Variants in MYO3B observed in about 807,000 individuals in gnomAD.
MYO3B encodes myosin IIIB.
MYO3B carries 156 observed loss-of-function variants against 174.6 expected under a neutral mutation model. The ratio of observed to expected loss-of-function variants is 0.89; its 90% CI spans 0.78 to 1.02. The LOEUF (loss-of-function observed/expected upper bound fraction) is 1.02, where lower values mean the gene tolerates loss of function less well. Ranked by LOEUF, MYO3B falls within the 50% of genes least tolerant of loss-of-function variation. The pLI is 0.00. For synonymous variants in MYO3B, 563 were observed against 569.1 expected (o/e 0.99, Z 0.15); for missense variants, 1,632 against 1,639.4 (o/e 1.00, Z 0.08).
intron 25 of MYO3B, among the ~76,000 whole-genome samples, chr2:170,479,591 TAAA>T (rs1685550265): frequency 2.0e-5 from 3 of 146,508 alleles, no homozygotes; most frequent in African/African-American, 7.4e-5. Flanking sequence ...ATCTATATAA[TAAA>T]GGTGTATTTT....
intron 9 of MYO3B, among the ~76,000 whole-genome samples, chr2:170,372,128 A>AAAAAACAAAAC (rs2094251748): frequency 7.0e-6 from 1 of 142,160 alleles, no homozygotes; most frequent in Non-Finnish European, 1.5e-5. Flanking sequence ...CAAAAAAAAA[A>AAAAAACAAAAC]AAAAAAAAAA....
chr2:170,602,260 G>A (rs1231956427), intron 32 of MYO3B: 21 of 805,476 alleles, frequency 2.6e-5, no homozygotes, highest in Admixed American at 1.2e-4. Flanking sequence ...GAGGCACACA[G>A]TCACCCAGTG....
chr2:170,490,205 C>T (rs745593980), intron 25 of MYO3B, among the ~76,000 whole-genome samples: 5 of 151,794 alleles, frequency 3.3e-5, no homozygotes, highest in Admixed American at 1.3e-4. Context: ...ATTTTTTGTA[C>T]TTTTAGTAGA....
At chr2:170,493,604 C>T (rs1017314616) in intron 25 of MYO3B, among the ~76,000 whole-genome samples, 23 of 152,168 alleles carry the variant, frequency 1.5e-4, no homozygotes, top group African/African-American at 5.5e-4. Flanking sequence ...CTTCATTCCT[C>T]TCCTATTGAA....
At chr2:170,297,690 G>A (rs987548038) in intron 7 of MYO3B, among the ~76,000 whole-genome samples, 1 of 152,242 alleles carries the variant, frequency 6.6e-6, no homozygotes, top group East Asian at 1.9e-4. Context: ...CTTGGTTTGT[G>A]TATAGAAATA....
intron 30 of MYO3B, among the ~76,000 whole-genome samples, chr2:170,541,131 T>C (rs1354543064): frequency 6.6e-6 from 1 of 152,222 alleles, no homozygotes; most frequent in Non-Finnish European, 1.5e-5. Context: ...GCCATTGGCT[T>C]TGGATTCTGA....
At position 170,498,677 on chromosome 2, in the gene MYO3B, G is replaced by A. The variant is rs760443182; in HGVS notation, c.3100G>A (p.Asp1034Asn). ...CVAILEKSRL[D>N]HWVLGKTKVF... is the part of the protein sequence containing the mutation. Reference sequence around the variant, plus strand: ...GGCTATCTTGGAAAAGTCCAGATTAGATCACTGGGTACTGGGAAAAACAAA... The same window carrying A: ...GGCTATCTTGGAAAAGTCCAGATTAAATCACTGGGTACTGGGAAAAACAAA... The change falls in exon 26 of 35, where the codon GAT becomes AAT. Residue 1034 changes from aspartate (D) to asparagine (N), a missense_variant. By Grantham distance (23) the Asp-to-Asn change is conservative (BLOSUM62 1). Transcript: ENST00000408978. 8.1e-6 allele frequency: 13 copies of A among 1,613,140 alleles called. No homozygotes were observed. The Admixed American group carries it at 2.0e-4, about 25-fold the overall frequency.
At chr2:170,565,743 G>A (rs1240505568) in intron 32 of MYO3B, among the ~76,000 whole-genome samples, 1 of 152,184 alleles carries the variant, frequency 6.6e-6, no homozygotes, top group African/African-American at 2.4e-5. Flanking sequence ...TAGAGAAAGA[G>A]ATTAGTAGTG....
intron 7 of MYO3B, among the ~76,000 whole-genome samples, chr2:170,314,688 T>A (rs981553967): frequency 6.6e-6 from 1 of 152,208 alleles, no homozygotes; most frequent in Non-Finnish European, 1.5e-5. Flanking sequence ...TTAAACTAAA[T>A]GTTTTGTGAT....
chr2:170,256,081 A>G (rs6753241), intron 7 of MYO3B, among the ~76,000 whole-genome samples: 88,728 of 152,056 alleles, frequency 0.58, 26,446 homozygotes, highest in East Asian at 0.71. Context: ...CAGTTAGACA[A>G]AAATAAAGAA....
intron 8 of MYO3B, among the ~76,000 whole-genome samples, chr2:170,364,192 C>T (rs1050301051): frequency 6.6e-6 from 1 of 152,134 alleles, no homozygotes; most frequent in African/African-American, 2.4e-5. Context: ...TACAACAGAA[C>T]TTCCAAGGAT....
In MYO3B at chr2:170,501,689, G is replaced by T. The variant is rs1687278611; in HGVS notation, c.3290-96G>T. ...AGTGAGAAAGCAGGAGGGAGGATGA[G>T]ACGGGCAATAGGCTGGAGGGGAAAA... On this transcript the variant is annotated intron_variant, in intron 27 of 34. Transcript: ENST00000408978. 5 of 756,800 alleles carry T rather than the reference G, an allele frequency of 6.6e-6. No homozygotes were observed. In the African/African-American group the frequency reaches 8.7e-5, roughly 13 times the overall value. The allele number at this position is 756,800 out of a possible 1,614,324, so 46.9% of individuals were successfully genotyped here. A position where few individuals can be genotyped will look rare whatever the true frequency, so the allele number is the denominator to read the frequency against.
chr2:170,221,491 T>TG lies in MYO3B; in HGVS notation c.603+4100dup, dbSNP rs199537287. Among the ~76,000 whole-genome samples, 1,161 of 152,290 alleles carry TG rather than the reference T, an allele frequency of 7.6e-3. 18 individuals are homozygous for TG. Among genetic ancestry groups the TG allele is most frequent in the African/African-American group, 0.026 (1,092 of 41,568 alleles). On this transcript the variant is annotated intron_variant, in intron 6 of 34. Transcript: ENST00000408978. ...TGAGCAGTCAAGACACACAGTTCAC[T>TG]GGGGCACCTCAAAGCTGCAGCATGA...
intron 22 of MYO3B, among the ~76,000 whole-genome samples, chr2:170,429,671 A>G (rs1002968580): frequency 6.6e-6 from 1 of 152,238 alleles, no homozygotes; most frequent in South Asian, 2.1e-4. Flanking sequence ...TCAGGTTTAC[A>G]TTCTGTATCT....
intron 2 of MYO3B, among the ~76,000 whole-genome samples, chr2:170,199,772 GCA>G (rs2105336549): frequency 6.6e-6 from 1 of 152,278 alleles, no homozygotes; most frequent in African/African-American, 2.4e-5. Flanking sequence ...ATGCTGTTTT[GCA>G]CAGTGAGGTT....
chr2:170,601,050 C>T (rs185439137), intron 32 of MYO3B, among the ~76,000 whole-genome samples: 1 of 152,124 alleles, frequency 6.6e-6, no homozygotes, highest in Non-Finnish European at 1.5e-5. Flanking sequence ...TTTTTATTAG[C>T]TAACTATATG....
intron 9 of MYO3B, among the ~76,000 whole-genome samples, chr2:170,371,983 C>T (rs2094249437): frequency 6.6e-6 from 1 of 150,802 alleles, no homozygotes; most frequent in South Asian, 2.1e-4. Flanking sequence ...AAAAATTAGC[C>T]GTGCATGGTG....
At chr2:170,223,704 G>A (rs2092924194) in intron 6 of MYO3B, among the ~76,000 whole-genome samples, 1 of 152,188 alleles carries the variant, frequency 6.6e-6, no homozygotes, top group Admixed American at 6.5e-5. Flanking sequence ...TAATGGCAGG[G>A]GGTTAGGGGT....
At chr2:170,569,203 G>C (rs1236588929) in intron 32 of MYO3B, among the ~76,000 whole-genome samples, 1 of 152,084 alleles carries the variant, frequency 6.6e-6, no homozygotes, top group Non-Finnish European at 1.5e-5. Context: ...TGCCTACTTT[G>C]TTTCCTCCCC....
Sources: allele counts gnomAD v4.1 joint callset (sites outside exome capture counted in the v4.1 genomes callset), GRCh38; gene constraint gnomAD v4.1.1; transcripts MANE v1.5; gene names NCBI Gene and HGNC (gene_info 2026-07-23, HGNC 2026-07-21).